ULK4: variants seen among roughly 807,000 people sequenced by gnomAD.
The protein encoded by ULK4 is unc-51 like kinase 4, also known as inactive serine/threonine-protein kinase ULK4.
In ULK4, 133 loss-of-function variants were observed where a neutral mutation model predicts 160.6. The observed-to-expected ratio is 0.83, with a 90% confidence interval of 0.72 to 0.96. The LOEUF is 0.96. ULK4 is among the 40% of genes least tolerant of loss of function. The pLI is 0.00. For missense variants in ULK4, 1,580 were observed against 1,499.5 expected, an observed-to-expected ratio of 1.05 and a Z score of -0.89; for synonymous variants, 534 against 539.8, an observed-to-expected ratio of 0.99 and a Z score of 0.15.
chr3:41,388,811 T>A (rs142712124), intron 35 of ULK4, among the ~76,000 whole-genome samples: 1,673 of 152,262 alleles, frequency 0.011, 38 homozygotes, highest in African/African-American at 0.039. Context: ...GGTAGCATGA[T>A]CCCTCCAGCT....
At chr3:41,747,566 A>C (rs1392406004) in intron 22 of ULK4, among the ~76,000 whole-genome samples, 1 of 152,140 alleles carries the variant, frequency 6.6e-6, no homozygotes, top group Non-Finnish European at 1.5e-5. Context: ...CCCAAAATTC[A>C]TATGTTGAAG....
intron 35 of ULK4, among the ~76,000 whole-genome samples, chr3:41,392,264 G>A (rs991607475): frequency 3.3e-5 from 5 of 152,072 alleles, no homozygotes; most frequent in Admixed American, 6.6e-5. Flanking sequence ...TAATTAAATC[G>A]TTAGGTTTCT....
chr3:41,471,518 T>C (rs1349865375), intron 32 of ULK4, among the ~76,000 whole-genome samples: 2 of 152,152 alleles, frequency 1.3e-5, no homozygotes, highest in Non-Finnish European at 2.9e-5. Context: ...TGCAGAACAT[T>C]CCACCTAACA....
chr3:41,902,778 C>T (rs1467219367), intron 12 of ULK4, among the ~76,000 whole-genome samples: 1 of 152,076 alleles, frequency 6.6e-6, no homozygotes, highest in Non-Finnish European at 1.5e-5. Context: ...GCAAACTTAA[C>T]ATTGCTGCTT....
At chr3:41,479,895 T>C (rs758946313) in intron 32 of ULK4, among the ~76,000 whole-genome samples, 2 of 152,150 alleles carry the variant, frequency 1.3e-5, no homozygotes, top group Non-Finnish European at 2.9e-5. Context: ...ATAATACCAA[T>C]GTGTATATTT....
intron 35 of ULK4, among the ~76,000 whole-genome samples, chr3:41,267,045 T>TTTTTTTGC (rs2079050326): frequency 1.3e-5 from 2 of 150,876 alleles, no homozygotes; most frequent in Admixed American, 6.6e-5. Context: ...AGGCTTTTTT[T>TTTTTTTGC]TTTTTTGCTT....
chr3:41,672,027 A>G (rs2035557796), intron 29 of ULK4, among the ~76,000 whole-genome samples: 1 of 152,206 alleles, frequency 6.6e-6, no homozygotes, highest in Admixed American at 6.5e-5. Flanking sequence ...ACAATGAGAT[A>G]TCTTATACTG....
rs2083733913 is a variant in ULK4 at position 41,463,156 on chromosome 3, G to A, written c.3324C>T (p.Leu1108=). The A allele has an allele frequency of 6.2e-7, 1 of 1,613,788 alleles. No homozygotes were observed. Among genetic ancestry groups the A allele is most frequent in the Non-Finnish European group, 8.5e-7 (1 of 1,179,800 alleles). The change falls in exon 33 of 37, where the codon CTC becomes CTT. Residue 1108 remains leucine, a synonymous_variant. Transcript: ENST00000301831. ...KNNNEMAAPL[L]FSLLDILHSM... is the part of the protein sequence containing the mutation. ...TGTGCAAAATATCAAGCAGGGAAAAGAGCAGTGGAGCTGCCATCTCATTGT... is the reference window on the plus strand; with the variant it reads ...TGTGCAAAATATCAAGCAGGGAAAAAAGCAGTGGAGCTGCCATCTCATTGT...
At chr3:41,635,425 T>C (rs2033913552) in intron 30 of ULK4, among the ~76,000 whole-genome samples, 1 of 152,010 alleles carries the variant, frequency 6.6e-6, no homozygotes, top group African/African-American at 2.4e-5. Flanking sequence ...TTTACAACTG[T>C]ACATATTTAT....
chr3:41,730,545 C>T (rs1313239331), intron 22 of ULK4, among the ~76,000 whole-genome samples: 3 of 152,126 alleles, frequency 2.0e-5, no homozygotes, highest in Middle Eastern at 3.4e-3. Flanking sequence ...CCTGGATACA[C>T]GCAGTCTATC....
At chr3:41,469,343 C>G (rs1303055869) in intron 32 of ULK4, among the ~76,000 whole-genome samples, 1 of 152,130 alleles carries the variant, frequency 6.6e-6, no homozygotes, top group Non-Finnish European at 1.5e-5. Flanking sequence ...TGTTCAACTA[C>G]TGAACTCAAA....
At chr3:41,363,001 G>C (rs2081178842) in intron 35 of ULK4, among the ~76,000 whole-genome samples, 1 of 152,238 alleles carries the variant, frequency 6.6e-6, no homozygotes, top group Non-Finnish European at 1.5e-5. Flanking sequence ...TCGCCAGCAG[G>C]CTGGCTATTC....
chr3:41,761,908 T>C (rs1198841044), intron 21 of ULK4, among the ~76,000 whole-genome samples: 1 of 151,956 alleles, frequency 6.6e-6, no homozygotes, highest in Admixed American at 6.6e-5. Flanking sequence ...AGACCTCTTC[T>C]CTACTTAAAA....
chr3:41,354,981 G>C (rs2080999723), intron 35 of ULK4, among the ~76,000 whole-genome samples: 1 of 152,138 alleles, frequency 6.6e-6, no homozygotes, highest in South Asian at 2.1e-4. Flanking sequence ...GCGCTGCGAG[G>C]TTCCTGTTCA....
At chr3:41,624,733 A>G (rs2033415228) in intron 30 of ULK4, among the ~76,000 whole-genome samples, 1 of 152,232 alleles carries the variant, frequency 6.6e-6, no homozygotes, top group African/African-American at 2.4e-5. Context: ...AATAAGGACG[A>G]TAATTCATCC....
chr3:41,754,457 T>C lies in ULK4; in HGVS notation c.2225A>G (p.Asp742Gly), dbSNP rs1346764639. 6.2e-7 allele frequency: 1 copy of C among 1,613,364 alleles called. No homozygotes were observed. The highest frequency in any genetic ancestry group is 8.5e-7 in the Non-Finnish European group (1 of 1,179,750). Residue 742 changes from aspartate (D) to glycine (G), a missense_variant, in exon 22 of 37, where the codon GAC (aspartate) becomes GGC (glycine). Transcript: ENST00000301831. ...TGCTCTAATGCATGTTGAGGGGCTG[T>C]CAAGTAAACGGATAATTGTGGAGAC... ...GFVSTIIRLL[D>G]SPSTCIRAKA...
At chr3:41,306,171 CGGG>C in intron 35 of ULK4, among the ~76,000 whole-genome samples, 3 of 92,424 alleles carry the variant, frequency 3.2e-5, no homozygotes, top group Non-Finnish European at 6.2e-5. Context: ...CCGCCCCATC[CGGG>C]AGGGAGGTGG....
intron 32 of ULK4, among the ~76,000 whole-genome samples, chr3:41,514,906 C>T (rs771165583): frequency 2.6e-5 from 4 of 151,838 alleles, no homozygotes; most frequent in Admixed American, 6.6e-5. Context: ...AAAATTTGTA[C>T]AAATAAGAAA....
At chr3:41,366,206 C>T (rs1449612688) in intron 35 of ULK4, among the ~76,000 whole-genome samples, 2 of 152,174 alleles carry the variant, frequency 1.3e-5, no homozygotes, top group Non-Finnish European at 2.9e-5. Flanking sequence ...AAAGGGCTTC[C>T]TGGCTTCACT....
Sources: gnomAD v4.1 joint callset for allele counts (sites outside exome capture counted in the v4.1 genomes callset) on GRCh38, gnomAD v4.1.1 for gene constraint, MANE v1.5 for transcripts, NCBI Gene and HGNC (gene_info 2026-07-23, HGNC 2026-07-21) for gene names.